CDK12: variants seen among roughly 807,000 people sequenced by gnomAD.
CDK12 encodes cyclin dependent kinase 12, also known as cyclin-dependent kinase 12.
A neutral mutation model predicts 133.8 loss-of-function variants in CDK12; 17 were observed. The ratio of observed to expected loss-of-function variants is 0.13; its 90% CI spans 0.09 to 0.19. The LOEUF (loss-of-function observed/expected upper bound fraction) is 0.19, where lower values mean the gene tolerates loss of function less well. Ranked by LOEUF, CDK12 falls within the 10% of genes least tolerant of loss-of-function variation. The pLI is 1.00. For synonymous variants in CDK12, 694 were observed against 683.6 expected (o/e 1.02, Z -0.24); for missense variants, 1,508 against 1,818.7 (o/e 0.83, Z 3.11).
At chr17:39,521,505 C>T (rs910679454) in intron 11 of CDK12, among the ~76,000 whole-genome samples, 13 of 151,412 alleles carry the variant, frequency 8.6e-5, no homozygotes, top group South Asian at 2.1e-4. Context: ...TCAGGTGATC[C>T]GCCCGCCTTG....
chr17:39,486,196 G>A (rs974974518), intron 2 of CDK12, among the ~76,000 whole-genome samples: 7 of 147,728 alleles, frequency 4.7e-5, no homozygotes, highest in Admixed American at 2.7e-4. Context: ...CAGGTGATCC[G>A]CCCGCTTGGC....
At chr17:39,506,846 C>A (rs2053163834) in intron 6 of CDK12, among the ~76,000 whole-genome samples, 1 of 152,048 alleles carries the variant, frequency 6.6e-6, no homozygotes, top group African/African-American at 2.4e-5. Flanking sequence ...AGGACATAAA[C>A]AATATGATGG....
chr17:39,521,724 T>C (rs2054182969), intron 11 of CDK12, among the ~76,000 whole-genome samples: 2 of 151,954 alleles, frequency 1.3e-5, no homozygotes, highest in African/African-American at 4.8e-5. Context: ...CACGCCCGAC[T>C]AATTTTTTTG....
chr17:39,524,859 T>G lies in CDK12; in HGVS notation c.3281T>G (p.Val1094Gly). Residue 1094 changes from valine to glycine, a missense_variant, in exon 12 of 14, where the codon GTG (valine) becomes GGG (glycine). Around this residue, in one of 9 missense-constraint regions of CDK12, gnomAD observed 399 missense variants for 469.6 expected, o/e 0.85. Coordinates refer to ENST00000447079, the MANE Select transcript of CDK12 (RefSeq NM_016507.4). ...PAPPQPAPGK[V>G]ESGAGDAIGL... ...CCACCTCAGCCTGCTCCTGGCAAGG[T>G]GGAGTCTGGGGCTGGGGATGCAATA... 6.2e-7 allele frequency: 1 copy of G among 1,613,926 alleles called. No homozygotes were observed. Among genetic ancestry groups the G allele is most frequent in the Non-Finnish European group, 8.5e-7 (1 of 1,179,870 alleles).
At chr17:39,507,175 C>A (rs1400443353) in intron 6 of CDK12, among the ~76,000 whole-genome samples, 1 of 151,714 alleles carries the variant, frequency 6.6e-6, no homozygotes. Flanking sequence ...GGACTACAGG[C>A]GTGAGCCACT....
chr17:39,537,035 G>T (rs548064386), downstream of CDK12, among the ~76,000 whole-genome samples: 2 of 152,304 alleles, frequency 1.3e-5, no homozygotes, highest in Non-Finnish European at 2.9e-5. Flanking sequence ...ATTTTATCCA[G>T]GCCAAACCAA....
downstream of CDK12, chr17:39,566,820 C>A (rs1174722323): frequency 6.6e-6 from 1 of 152,556 alleles, no homozygotes; most frequent in Non-Finnish European, 1.5e-5. Context: ...AGAATGGCAT[C>A]CTTCTCTGAG....
chr17:39,527,977 G>A (rs923417585), intron 13 of CDK12, among the ~76,000 whole-genome samples: 16 of 151,190 alleles, frequency 1.1e-4, no homozygotes, highest in African/African-American at 2.9e-4. Flanking sequence ...ATGCAATGGC[G>A]CGATCTTGGT....
rs1377613834 is a variant in CDK12, at chr17:39,462,278, T to C, written c.207T>C (p.Pro69=). ...CATCCCTGGGCACAGTTATCAAACC[T>C]TTGGTGGAGTATGATGATATCAGCT... ...EAASLGTVIK[P]LVEYDDISSD... is the part of the protein sequence containing the mutation. Residue 69 remains proline (P), a synonymous_variant, in exon 1 of 14, where the codon CCT becomes CCC. Transcript: ENST00000447079. 31 of 1,613,972 alleles carry C rather than the reference T, an allele frequency of 1.9e-5. No homozygotes were observed. Among genetic ancestry groups the C allele is most frequent in the Non-Finnish European group, 2.5e-5 (30 of 1,180,044 alleles).
chr17:39,510,146 G>A (rs1397786051), intron 7 of CDK12, among the ~76,000 whole-genome samples: 1 of 138,166 alleles, frequency 7.2e-6, no homozygotes, highest in Non-Finnish European at 1.5e-5. Flanking sequence ...TGAAGACGGA[G>A]TCTCAATCTG....
At chr17:39,557,389 T>G (rs2056200288) in intron 3 of CDK12, among the ~76,000 whole-genome samples, 1 of 152,176 alleles carries the variant, frequency 6.6e-6, no homozygotes, top group Admixed American at 6.5e-5. Flanking sequence ...ACACATCTTC[T>G]AGTTTGACAC....
intron 1 of CDK12, among the ~76,000 whole-genome samples, chr17:39,466,615 G>GAAAAAAAAAAAAAAAAAAA (rs71147339): frequency 6.4e-5 from 2 of 31,482 alleles, no homozygotes; most frequent in African/African-American, 2.0e-4. Flanking sequence ...AACTCTATCT[G>GAAAAAAAAAAAAAAAAAAA]AAAAAAAAAA....
chr17:39,490,213 A>T (rs1284380911), intron 2 of CDK12, among the ~76,000 whole-genome samples: 8 of 150,716 alleles, frequency 5.3e-5, no homozygotes. Flanking sequence ...CTAAAAATAC[A>T]AAAATTAGTC....
chr17:39,481,260 A>C (rs2050621692), intron 2 of CDK12, among the ~76,000 whole-genome samples: 1 of 84,096 alleles, frequency 1.2e-5, no homozygotes, highest in Non-Finnish European at 3.1e-5. Flanking sequence ...TCTCAAAAAA[A>C]AAAAGAAAAA....
intron 7 of CDK12, 113 bp downstream of exon 7, chr17:39,509,874 C>T (rs1033661994): frequency 3.2e-5 from 25 of 781,870 alleles, no homozygotes; most frequent in Middle Eastern, 2.7e-4. Flanking sequence ...GATCTCAGCT[C>T]GCTGCAGCCT....
chr17:39,516,930 T>C (rs1265156531), intron 9 of CDK12, among the ~76,000 whole-genome samples: 1 of 152,176 alleles, frequency 6.6e-6, no homozygotes, highest in East Asian at 1.9e-4. Context: ...CCCAAAGTGC[T>C]GGGATTACAG....
At chr17:39,470,391 G>C (rs2049704185) in intron 1 of CDK12, among the ~76,000 whole-genome samples, 1 of 152,166 alleles carries the variant, frequency 6.6e-6, no homozygotes, top group African/African-American at 2.4e-5. Context: ...AAAGTGCTGA[G>C]ATTACAGGTG....
chr17:39,544,024 T>A (rs1055074260), upstream of CDK12: 4 of 250,774 alleles, frequency 1.6e-5, no homozygotes, highest in African/African-American at 6.6e-5. Flanking sequence ...GGGAGCTAGG[T>A]CCCTGGAGAC....
chr17:39,539,002 A>T (rs1446456176), downstream of CDK12, among the ~76,000 whole-genome samples: 1 of 152,236 alleles, frequency 6.6e-6, no homozygotes, highest in Admixed American at 6.5e-5. Flanking sequence ...GGAGTGGTAG[A>T]CCACGTTTTT....
Sources: gnomAD v4.1 joint callset for allele counts (sites outside exome capture counted in the v4.1 genomes callset) on GRCh38, gnomAD v4.1.1 for gene constraint, gnomAD v4.1.1 regional missense constraint, MANE v1.5 for transcripts, NCBI Gene and HGNC (gene_info 2026-07-23, HGNC 2026-07-21) for gene names.